OR10A2: variants seen among roughly 807,000 people sequenced by gnomAD.
OR10A2 encodes the protein olfactory receptor family 10 subfamily A member 2, also known as olfactory receptor 10A2.
In OR10A2, 15 loss-of-function variants were observed where a neutral mutation model predicts 13.7. The observed-to-expected ratio is 1.10, with a 90% CI of 0.73 to 1.69. The LOEUF is 1.69. Ranked by LOEUF, OR10A2 falls within the 40% of genes most tolerant of loss-of-function variation. The pLI is 0.00. For synonymous variants in OR10A2, 145 were observed against 144.7 expected, an observed-to-expected ratio of 1.00 and a Z score of -0.02; for missense variants, 343 against 361.1, an observed-to-expected ratio of 0.95 and a Z score of 0.41.
intron 1 of OR10A2, among the ~76,000 whole-genome samples, chr11:6,863,843 C>T (rs1440682344): frequency 6.6e-6 from 1 of 152,158 alleles, no homozygotes; most frequent in East Asian, 1.9e-4. Flanking sequence ...AAGGGATGTT[C>T]CTAGGGAAGT....
At chr11:6,869,072 T>C (rs956830503) in intron 1 of OR10A2, among the ~76,000 whole-genome samples, 1 of 152,212 alleles carries the variant, frequency 6.6e-6, no homozygotes, top group Non-Finnish European at 1.5e-5. Context: ...CCAATAGATG[T>C]GGTTTGGATT....
Position 6,872,894 on chromosome 11 carries a change from A to G in OR10A2, c.*2228A>G, listed in dbSNP as rs11041070. On this transcript the variant is annotated 3_prime_UTR_variant, in exon 2 of 2. Coordinates refer to ENST00000641461, the MANE Select transcript of OR10A2 (RefSeq NM_001004460.2). ...GGGTGCAATGGCACAATCTTGGCTCACTGCAACTTCTGCCTTCTGGGTTCA... is the reference window on the plus strand; with the variant it reads ...GGGTGCAATGGCACAATCTTGGCTCGCTGCAACTTCTGCCTTCTGGGTTCA... 27,045 of 148,086 alleles carry G rather than the reference A, an allele frequency of 0.18. 2,934 individuals carry two copies. Among genetic ancestry groups the G allele is most frequent in the Non-Finnish European group, 0.24 (16,058 of 67,646 alleles). The allele number at this position is 148,086 out of a possible 1,614,324, so 9.2% of individuals were successfully genotyped here.
rs1200975008 is a variant in OR10A2 at position 6,871,431 on chromosome 11, A to C, written c.*765A>C. The C allele has an allele frequency of 2.0e-5, 3 of 151,632 alleles. No homozygotes were observed. In the East Asian group the frequency reaches 5.8e-4, roughly 29 times the overall value. The allele number at this position is 151,632 out of a possible 1,614,324, so 9.4% of individuals were successfully genotyped here. A position where few individuals can be genotyped will look rare whatever the true frequency, so the allele number is the denominator to read the frequency against. On this transcript the variant is annotated 3_prime_UTR_variant, in exon 2 of 2. Transcript: ENST00000641461. ...ATCTCATGATCTTTCCCAACACATA[A>C]CTCTCCTCACCATCTTACTTCATTC... is the stretch of plus-strand genomic sequence containing the variant.
intron 1 of OR10A2, among the ~76,000 whole-genome samples, chr11:6,866,508 C>T (rs1358015929): frequency 6.6e-6 from 1 of 152,150 alleles, no homozygotes; most frequent in African/African-American, 2.4e-5. Context: ...ATACTATTTA[C>T]ATTTTCATGA....
At chr11:6,864,126 C>T (rs1848362282) in intron 1 of OR10A2, among the ~76,000 whole-genome samples, 2 of 152,170 alleles carry the variant, frequency 1.3e-5, no homozygotes, top group Non-Finnish European at 2.9e-5. Context: ...TGAGCTGCCA[C>T]CTTCTGCAAT....
At position 6,870,475 on chromosome 11, in the gene OR10A2, T is replaced by C. The variant is rs768034593; in HGVS notation, c.721T>C (p.Ser241Pro). ...HLLVVSLFYI[S>P]LSLTYFRPKS... ...CCTTGTTGTCTCTCTTTTCTATATA[T>C]CATTAAGCCTCACCTACTTCCGGCC... Residue 241 changes from serine to proline, a missense_variant, in exon 2 of 2, where the codon TCA becomes CCA. Ser to Pro is a moderately conservative substitution (Grantham distance 74, BLOSUM62 -1). Transcript: ENST00000641461. 12 of 1,614,076 alleles carry C rather than the reference T, an allele frequency of 7.4e-6. No individual in the cohort carries two copies. In the Admixed American group the frequency reaches 2.0e-4, roughly 27 times the overall value.
chr11:6,869,250 G>T (rs193192922), intron 1 of OR10A2, among the ~76,000 whole-genome samples: 2 of 152,288 alleles, frequency 1.3e-5, no homozygotes, highest in African/African-American at 4.8e-5. Context: ...GGTTCATGAA[G>T]AGTAGAAAAC....
chr11:6,870,201 G>C lies in OR10A2; in HGVS notation c.447G>C (p.Trp149Cys). Reference protein sequence around the residue: ...GFPVATVQTTWLFSFPFCGTN... With the variant: ...GFPVATVQTTCLFSFPFCGTN... ...CTGTAGCTACTGTGCAGACCACATGGCTCTTCAGTTTTCCATTCTGTGGCA... is the reference window on the plus strand; with the variant it reads ...CTGTAGCTACTGTGCAGACCACATGCCTCTTCAGTTTTCCATTCTGTGGCA... The change falls in exon 2 of 2, where the codon TGG becomes TGC. Residue 149 changes from tryptophan (W) to cysteine (C), a missense_variant. Trp to Cys is a radical substitution (Grantham distance 215). Transcript: ENST00000641461. The C allele has an allele frequency of 6.2e-7, 1 of 1,614,190 alleles. No homozygotes were observed. Among genetic ancestry groups the C allele is most frequent in the Non-Finnish European group, 8.5e-7 (1 of 1,180,032 alleles).
Position 6,870,300 on chromosome 11 carries a change from T to G in OR10A2, c.546T>G (p.Phe182Leu). Residue 182 changes from phenylalanine to leucine, a missense_variant, in exon 2 of 2, where the codon TTT becomes TTG. Coordinates refer to ENST00000641461, the MANE Select transcript of OR10A2 (RefSeq NM_001004460.2). ...TGGTCTGTGCAGACACAGCACTCTTTGAGATCTACGCCATCGTCGGAACCA... is the reference window on the plus strand; with the variant it reads ...TGGTCTGTGCAGACACAGCACTCTTGGAGATCTACGCCATCGTCGGAACCA... ...LRLVCADTAL[F>L]EIYAIVGTIL... 1 of 1,613,980 alleles carries G rather than the reference T, an allele frequency of 6.2e-7. No individual in the cohort carries two copies. The highest frequency in any genetic ancestry group is 8.5e-7 in the Non-Finnish European group (1 of 1,179,950).
At chr11:6,865,339 A>G (rs529624219) in intron 1 of OR10A2, among the ~76,000 whole-genome samples, 3 of 151,720 alleles carry the variant, frequency 2.0e-5, no homozygotes, top group African/African-American at 7.2e-5. Flanking sequence ...ACAAGTGTGC[A>G]GGCTGTGTTA....
At position 6,865,932 on chromosome 11, in the gene OR10A2, C is replaced by T. The variant is rs560775427; in HGVS notation, c.-133+2581C>T. Among the ~76,000 whole-genome samples, 22 of 152,306 alleles carry T rather than the reference C, an allele frequency of 1.4e-4. 1 individual carries two copies. Among genetic ancestry groups the T allele is most frequent in the Middle Eastern group, 3.4e-3 (1 of 294 alleles). On this transcript the variant is annotated intron_variant, in intron 1 of 1. Coordinates refer to ENST00000641461, the MANE Select transcript of OR10A2 (RefSeq NM_001004460.2). ...TGCTTCCCTCTTGTCCCCACCCTCT[C>T]GTTAGTCACTGGCAATCACTAATCT...
At position 6,869,172 on chromosome 11, in the gene OR10A2, C is replaced by T. The variant is rs569624618; in HGVS notation, c.-132-451C>T. 5.3e-5 allele frequency among the ~76,000 whole-genome samples: 8 copies of T among 152,294 alleles called. No homozygotes were observed. In the South Asian group the frequency reaches 1.7e-3, roughly 32 times the overall value. On this transcript the variant is annotated intron_variant, in intron 1 of 1. Transcript: ENST00000641461. ...AGAGATATAAAAGAACAAAAACATG[C>T]ATATGTAAATGGTCCTCAATACATG...
In OR10A2 at chr11:6,870,760, T is replaced by C. The variant is rs1049636663; in HGVS notation, c.*94T>C. On this transcript the variant is annotated 3_prime_UTR_variant, in exon 2 of 2. Coordinates refer to ENST00000641461, the MANE Select transcript of OR10A2 (RefSeq NM_001004460.2). ...GCATCTTTCCACATCTCCAATAAGA[T>C]GAAGTCCTGTTGCTGAAATGGCTTT... 1 of 1,047,920 alleles carries C rather than the reference T, an allele frequency of 9.5e-7. No individual in the cohort carries two copies. The highest frequency in any genetic ancestry group is 1.4e-6 in the Non-Finnish European group (1 of 719,608). 64.9% of individuals were successfully genotyped at this position (1,047,920 alleles called of 1,614,324 possible).
Position 6,870,962 on chromosome 11 carries a change from T to TTTTTA in OR10A2, c.*298_*299insTTATT. ...TGTTATATTTCTTTTTTTTTTTTTT[T>TTTTTA]TTGAGACGGAGTCTCGCTCTGTCCC... On this transcript the variant is annotated 3_prime_UTR_variant, in exon 2 of 2. Transcript: ENST00000641461. 5.1e-6 allele frequency: 1 copy of TTTTTA among 196,632 alleles called. No homozygotes were observed. The highest frequency in any genetic ancestry group is 1.0e-5 in the Non-Finnish European group (1 of 95,766). The allele number at this position is 196,632 out of a possible 1,614,324, so 12.2% of individuals were successfully genotyped here.
At chr11:6,869,555 T>C in intron 1 of OR10A2, 68 bp from the exon 2 acceptor site, 1 of 608,438 alleles carries the variant, frequency 1.6e-6, no homozygotes. Flanking sequence ...ATTTATTGTG[T>C]TTTATTCTTA....
rs374614514 is a variant in OR10A2, at chr11:6,870,507, A to T, written c.753A>T (p.Ser251=). ...SLSLTYFRPK[S]NNSPEGKKLL... is the part of the protein sequence containing the mutation. The stretch of plus-strand genomic sequence containing the variant: ...GCCTCACCTACTTCCGGCCTAAATC[A>T]AATAATTCACCTGAGGGCAAGAAGC... Residue 251 remains serine (S), a synonymous_variant, in exon 2 of 2, where the codon TCA becomes TCT. Coordinates refer to ENST00000641461, the MANE Select transcript of OR10A2 (RefSeq NM_001004460.2). 1.9e-4 allele frequency: 299 copies of T among 1,614,012 alleles called. No individual in the cohort carries two copies. The highest frequency in any genetic ancestry group is 2.5e-4 in the Non-Finnish European group (292 of 1,180,016).
At position 6,863,521 on chromosome 11, in the gene OR10A2, G is replaced by T. The variant is rs527254596; in HGVS notation, c.-133+170G>T. Among the ~76,000 whole-genome samples the T allele has an allele frequency of 1.5e-3, 233 of 151,834 alleles. 2 individuals are homozygous for T. The highest frequency in any genetic ancestry group is 2.6e-3 in the Non-Finnish European group (176 of 67,948). On this transcript the variant is annotated intron_variant, in intron 1 of 1. Transcript: ENST00000641461. ...ATCTCATCAGTTCCTCTCTCCTTGG[G>T]CATCAGTTTACTCTATGTCATAAGA...
rs146430930 is a variant in OR10A2, at chr11:6,870,497, G to A, written c.743G>A (p.Arg248Gln). 56 of 1,613,822 alleles carry A rather than the reference G, an allele frequency of 3.5e-5. No homozygotes were observed. The African/African-American group carries it at 4.5e-4, about 13-fold the overall frequency. The change falls in exon 2 of 2, where the codon CGG becomes CAG. Residue 248 changes from arginine (R) to glutamine (Q), a missense_variant. Transcript: ENST00000641461. Reference sequence around the variant, plus strand: ...ATATCATTAAGCCTCACCTACTTCCGGCCTAAATCAAATAATTCACCTGAG... The same window carrying A: ...ATATCATTAAGCCTCACCTACTTCCAGCCTAAATCAAATAATTCACCTGAG... ...FYISLSLTYF[R>Q]PKSNNSPEGK...
chr11:6,869,660 T>TAG lies in OR10A2; in HGVS notation c.-95_-94insAG, dbSNP rs1848407987. On this transcript the variant is annotated 5_prime_UTR_variant, in exon 2 of 2. It introduces an in-frame stop codon into an upstream open reading frame of the 5' UTR. Coordinates refer to ENST00000641461, the MANE Select transcript of OR10A2 (RefSeq NM_001004460.2). ...TGAAAAACAAATTGAGAATCTGACTTCCAATCAATAATCTTTCTCCATGAC... is the reference window on the plus strand; with the variant it reads ...TGAAAAACAAATTGAGAATCTGACTTAGCCAATCAATAATCTTTCTCCATGAC... 7.3e-6 allele frequency: 8 copies of TAG among 1,088,968 alleles called. No individual in the cohort carries two copies. The highest frequency in any genetic ancestry group is 6.2e-5 in the Admixed American group (3 of 48,438). 67.5% of individuals were successfully genotyped at this position (1,088,968 alleles called of 1,614,324 possible).
Sources: gnomAD v4.1 joint callset for allele counts (sites outside exome capture counted in the v4.1 genomes callset) on GRCh38, gnomAD v4.1.1 for gene constraint, MANE v1.5 for transcripts, NCBI Gene and HGNC (gene_info 2026-07-23, HGNC 2026-07-21) for gene names.